PTBP3: variants seen among roughly 807,000 people sequenced by gnomAD.
PTBP3 encodes polypyrimidine tract binding protein 3.
In PTBP3, 20 loss-of-function variants were observed where a neutral mutation model predicts 58.7. That is an observed-to-expected ratio of 0.34 (90% CI 0.24 to 0.50). The LOEUF (loss-of-function observed/expected upper bound fraction) is 0.50, where lower values mean the gene tolerates loss of function less well. PTBP3 is among the 20% of genes least tolerant of loss of function. The pLI is 0.98. For missense variants in PTBP3, 509 were observed against 637.2 expected (o/e 0.80, Z 2.17); for synonymous variants, 185 against 219.8 (o/e 0.84, Z 1.40).
At chr9:112,231,442 C>CT (rs767580412) in intron 9 of PTBP3, 29 bp from the exon 10 acceptor site, 2 of 1,541,116 alleles carry the variant, frequency 1.3e-6, no homozygotes, top group African/African-American at 1.4e-5. Context: ...AGTTAAGTGT[C>CT]TGACAATTTA....
intron 2 of PTBP3, among the ~76,000 whole-genome samples, chr9:112,289,486 AG>A (rs1269083080): frequency 6.6e-6 from 1 of 152,208 alleles, no homozygotes; most frequent in African/African-American, 2.4e-5. Flanking sequence ...TTTGGTCAAC[AG>A]AAGTACCAGG....
chr9:112,369,914 G>A, the PTBP3 span, among the ~76,000 whole-genome samples: 3 of 152,102 alleles, frequency 2.0e-5, no homozygotes, highest in East Asian at 1.9e-4. Flanking sequence ...CTTTTCTCAT[G>A]ATAGTGAATA....
chr9:112,362,223 AG>A, the PTBP3 span, among the ~76,000 whole-genome samples: 1 of 152,118 alleles, frequency 6.6e-6, no homozygotes, highest in Non-Finnish European at 1.5e-5. Context: ...CTGAGAGGGG[AG>A]GATAACTGAG....
At position 112,222,239 on chromosome 9, in the gene PTBP3, G is replaced by C; in HGVS notation, c.*1612C>G. ...CTGATCAACAATTGAAGAAATAATA[G>C]CAAAGTTTCTTATTAAAAAGAAACA... On this transcript the variant is annotated 3_prime_UTR_variant, in exon 14 of 14. Coordinates refer to ENST00000374257, the MANE Select transcript of PTBP3 (RefSeq NM_001163788.4). The C allele has an allele frequency of 2.0e-6, 2 of 975,656 alleles. No individual in the cohort carries two copies. Among genetic ancestry groups the C allele is most frequent in the Non-Finnish European group, 2.4e-6 (2 of 820,788 alleles). The allele number at this position is 975,656 out of a possible 1,614,324, so 60.4% of individuals were successfully genotyped here.
At chr9:112,356,794 GCGCA>G in the PTBP3 span, among the ~76,000 whole-genome samples, 97,565 of 137,026 alleles carry the variant, frequency 0.71, 32,453 homozygotes, top group Admixed American at 0.8. Context: ...AATTGCGTGT[GCGCA>G]CACACACACA....
chr9:112,370,592 T>A, the PTBP3 span, among the ~76,000 whole-genome samples: 1 of 152,222 alleles, frequency 6.6e-6, no homozygotes, highest in Non-Finnish European at 1.5e-5. Context: ...TTGTTCTTTT[T>A]CAAATTGTCT....
chr9:112,356,364 A>G, the PTBP3 span, among the ~76,000 whole-genome samples: 1 of 152,152 alleles, frequency 6.6e-6, no homozygotes, highest in Non-Finnish European at 1.5e-5. Flanking sequence ...TCATGTGGCC[A>G]TCCCTGGCTG....
chr9:112,364,378 G>A, the PTBP3 span, among the ~76,000 whole-genome samples: 2 of 152,156 alleles, frequency 1.3e-5, no homozygotes, highest in African/African-American at 4.8e-5. Context: ...GTACCAGGGG[G>A]CCAGGCACCA....
chr9:112,318,256 TG>T (rs1829785916), intron 1 of PTBP3, among the ~76,000 whole-genome samples: 1 of 152,152 alleles, frequency 6.6e-6, no homozygotes, highest in Non-Finnish European at 1.5e-5. Context: ...GACATGATCA[TG>T]TACATTAAAA....
At chr9:112,294,019 C>A (rs541015501) in intron 2 of PTBP3, among the ~76,000 whole-genome samples, 1 of 152,244 alleles carries the variant, frequency 6.6e-6, no homozygotes, top group South Asian at 2.1e-4. Context: ...AAATACCCCA[C>A]GACCAAGTTG....
chr9:112,341,026 CATATT>C, the PTBP3 span, among the ~76,000 whole-genome samples: 2 of 151,734 alleles, frequency 1.3e-5, no homozygotes. Context: ...CATGTTTTTA[CATATT>C]ATATTCTTCT....
Position 112,275,237 on chromosome 9 carries a change from G to A in PTBP3, c.204+607C>T, listed in dbSNP as rs574659175. ...TGCATCCTCCACCTCCCAGGTTCAA[G>A]CGATTCTCCTGCCTCAGCCTCCCAA... On this transcript the variant is annotated intron_variant, in intron 3 of 13. Coordinates refer to ENST00000374257, the MANE Select transcript of PTBP3 (RefSeq NM_001163788.4). Among the ~76,000 whole-genome samples, 218 of 151,990 alleles carry A rather than the reference G, an allele frequency of 1.4e-3. 1 individual carries two copies. The highest frequency in any genetic ancestry group is 2.2e-3 in the Admixed American group (33 of 15,256).
chr9:112,354,137 A>G, the PTBP3 span, among the ~76,000 whole-genome samples: 4 of 152,146 alleles, frequency 2.6e-5, no homozygotes, highest in African/African-American at 9.7e-5. Context: ...ATCTTTTGAC[A>G]TATCTGTTCA....
chr9:112,225,858 GC>G (rs1307734754), intron 12 of PTBP3, among the ~76,000 whole-genome samples: 1 of 151,926 alleles, frequency 6.6e-6, no homozygotes, highest in East Asian at 1.9e-4. Flanking sequence ...ATCTGCCTGG[GC>G]AAATGGTAAA....
intron 2 of PTBP3, among the ~76,000 whole-genome samples, chr9:112,278,953 T>C (rs1827738767): frequency 6.6e-6 from 1 of 152,242 alleles, no homozygotes; most frequent in Non-Finnish European, 1.5e-5. Context: ...ATCAAAATGG[T>C]AATTGTAAAT....
At chr9:112,243,998 A>C (rs1835766472) in intron 7 of PTBP3, among the ~76,000 whole-genome samples, 2 of 152,216 alleles carry the variant, frequency 1.3e-5, no homozygotes, top group South Asian at 4.1e-4. Context: ...AATAAAAGTA[A>C]AAGTAAGAAG....
intron 6 of PTBP3, 171 bp downstream of exon 6, chr9:112,252,505 TGA>T: frequency 1.9e-6 from 1 of 540,030 alleles, no homozygotes; most frequent in South Asian, 2.1e-5. Context: ...GAAGTAGTAA[TGA>T]TTTTTAGCTT....
chr9:112,230,658 G>A (rs947557122), intron 10 of PTBP3, among the ~76,000 whole-genome samples: 1 of 152,024 alleles, frequency 6.6e-6, no homozygotes, highest in Non-Finnish European at 1.5e-5. Flanking sequence ...TTGGATTACT[G>A]AATCAAAATG....
At chr9:112,241,821 T>C (rs1409968240) in intron 7 of PTBP3, among the ~76,000 whole-genome samples, 1 of 152,204 alleles carries the variant, frequency 6.6e-6, no homozygotes, top group Non-Finnish European at 1.5e-5. Flanking sequence ...TCTCCAAACC[T>C]TGTCCTCAGG....
Sources: allele counts gnomAD v4.1 joint callset (sites outside exome capture counted in the v4.1 genomes callset), GRCh38; gene constraint gnomAD v4.1.1; transcripts MANE v1.5; gene names NCBI Gene and HGNC (gene_info 2026-07-23, HGNC 2026-07-21).